The following EEIG2 variants were observed in gnomAD, a reference collection of about 807,000 sequenced individuals.
The protein encoded by EEIG2 is family with sequence similarity 102 member B.
chr1:108,631,967 A>G, the EEIG2 span, among the ~76,000 whole-genome samples: 6 of 151,388 alleles, frequency 4.0e-5, no homozygotes, highest in Non-Finnish European at 7.4e-5. Context: ...TAAAAAAATT[A>G]GCCGGGTGTG....
chr1:108,612,604 T>C, the EEIG2 span, among the ~76,000 whole-genome samples: 1 of 152,206 alleles, frequency 6.6e-6, no homozygotes, highest in African/African-American at 2.4e-5. Context: ...TACCTTAAAA[T>C]GTTTGTAGCT....
chr1:108,619,212 A>G, the EEIG2 span, among the ~76,000 whole-genome samples: 1 of 152,198 alleles, frequency 6.6e-6, no homozygotes, highest in African/African-American at 2.4e-5. Context: ...CATAAATTTA[A>G]TTCTGACAAT....
the EEIG2 span, among the ~76,000 whole-genome samples, chr1:108,590,311 A>AG: frequency 6.6e-6 from 1 of 152,120 alleles, no homozygotes. Context: ...CTGTTCCCAC[A>AG]GGTTTCTTTT....
At chr1:108,597,390 C>A in the EEIG2 span, among the ~76,000 whole-genome samples, 1 of 152,196 alleles carries the variant, frequency 6.6e-6, no homozygotes, top group South Asian at 2.1e-4. Flanking sequence ...CTTTTGTGCT[C>A]TTTGTGCTCT....
chr1:108,579,770 T>TGAGAGAGAGAGAGAGAGAGA, the EEIG2 span, among the ~76,000 whole-genome samples: 235 of 23,120 alleles, frequency 0.01, no homozygotes, highest in East Asian at 0.059. Context: ...TGTGTGTGTG[T>TGAGAGAGAGAGAGAGAGAGA]GTGAGAGAGA....
chr1:108,609,505 T>C, the EEIG2 span, among the ~76,000 whole-genome samples: 2 of 152,102 alleles, frequency 1.3e-5, no homozygotes. Context: ...GAGATGACTT[T>C]TAAACATTGA....
chr1:108,601,522 A>T, the EEIG2 span, among the ~76,000 whole-genome samples: 1 of 151,394 alleles, frequency 6.6e-6, no homozygotes, highest in Non-Finnish European at 1.5e-5. Flanking sequence ...AAGAAGCCAT[A>T]AAAGAAAAAT....
At chr1:108,561,374 A>T in the EEIG2 span, among the ~76,000 whole-genome samples, 4 of 152,216 alleles carry the variant, frequency 2.6e-5, no homozygotes, top group Non-Finnish European at 5.9e-5. Context: ...TTTAAAATAT[A>T]TACATAGAGA....
chr1:108,630,432 C>T, the EEIG2 span, among the ~76,000 whole-genome samples: 8 of 143,232 alleles, frequency 5.6e-5, no homozygotes, highest in African/African-American at 1.2e-4. Context: ...TTGTGGAGTG[C>T]GGAAGCGGGG....
chr1:108,583,667 A>G, the EEIG2 span, among the ~76,000 whole-genome samples: 12 of 152,110 alleles, frequency 7.9e-5, no homozygotes, highest in Admixed American at 3.9e-4. Flanking sequence ...CAAGTGAGGT[A>G]TATGACAGTA....
the EEIG2 span, among the ~76,000 whole-genome samples, chr1:108,591,344 G>C: frequency 2.0e-5 from 3 of 152,278 alleles, no homozygotes; most frequent in East Asian, 5.8e-4. Flanking sequence ...AAAAATCTGA[G>C]TAATTGCCTT....
chr1:108,626,650 T>C, the EEIG2 span: 1 of 152,254 alleles, frequency 6.6e-6, no homozygotes, highest in African/African-American at 2.4e-5. Context: ...GATTTGATCA[T>C]GTCACACCCT....
At chr1:108,593,995 A>G in the EEIG2 span, among the ~76,000 whole-genome samples, 19 of 152,066 alleles carry the variant, frequency 1.2e-4, no homozygotes, top group Non-Finnish European at 2.4e-4. Flanking sequence ...TTTTGTAGAG[A>G]TGAGGTTTCA....
At chr1:108,614,205 T>TAAAA in the EEIG2 span, among the ~76,000 whole-genome samples, 45 of 101,208 alleles carry the variant, frequency 4.4e-4, no homozygotes, top group African/African-American at 7.0e-4. Flanking sequence ...ACCCCATCTC[T>TAAAA]AAAAAAAAAA....
At chr1:108,606,183 C>T in the EEIG2 span, 11 of 1,321,364 alleles carry the variant, frequency 8.3e-6, no homozygotes, top group Non-Finnish European at 9.4e-6. Flanking sequence ...TTAAATCTTT[C>T]ATTATGTGAT....
chr1:108,604,301 T>TA, the EEIG2 span, among the ~76,000 whole-genome samples: 1 of 152,224 alleles, frequency 6.6e-6, no homozygotes, highest in African/African-American at 2.4e-5. Context: ...TCATCTTCTG[T>TA]AAGATCACTT....
the EEIG2 span, among the ~76,000 whole-genome samples, chr1:108,561,459 A>G: frequency 1.8e-4 from 27 of 152,282 alleles, no homozygotes; most frequent in Non-Finnish European, 3.7e-4. Context: ...TATTTTGCCC[A>G]TATATACTGG....
At chr1:108,568,155 A>T in the EEIG2 span, among the ~76,000 whole-genome samples, 2 of 152,186 alleles carry the variant, frequency 1.3e-5, no homozygotes, top group African/African-American at 4.8e-5. Context: ...TTACACCAGT[A>T]AGTTAATATT....
At chr1:108,622,356 C>T in the EEIG2 span, among the ~76,000 whole-genome samples, 1 of 152,110 alleles carries the variant, frequency 6.6e-6, no homozygotes, top group East Asian at 1.9e-4. Flanking sequence ...ATTGGCAGAC[C>T]AGCAAGGAGA....
Sources: gnomAD v4.1 joint callset for allele counts (sites outside exome capture counted in the v4.1 genomes callset) on GRCh38, gnomAD v4.1.1 for gene constraint, MANE v1.5 for transcripts, NCBI Gene and HGNC (gene_info 2026-07-23, HGNC 2026-07-21) for gene names.